Variants in SEMA6D observed in about 807,000 individuals in gnomAD.
The protein encoded by SEMA6D is semaphorin 6D.
Under a neutral mutation model 106.6 loss-of-function variants are expected in SEMA6D, and 35 were observed. The observed-to-expected ratio is 0.33, with a 90% CI of 0.25 to 0.44. The LOEUF (loss-of-function observed/expected upper bound fraction) is 0.44, where lower values mean the gene tolerates loss of function less well. SEMA6D is among the 20% of genes least tolerant of loss of function. SEMA6D has a pLI of 1.00. For missense variants in SEMA6D, 1,185 were observed against 1,345.9 expected, an observed-to-expected ratio of 0.88 and a Z score of 1.87; for synonymous variants, 499 against 487.7, an observed-to-expected ratio of 1.02 and a Z score of -0.31.
At chr15:47,732,247 G>A (rs1487152717) in intron 1 of SEMA6D, among the ~76,000 whole-genome samples, 1 of 152,196 alleles carries the variant, frequency 6.6e-6, no homozygotes, top group African/African-American at 2.4e-5. Context: ...CCTGAAATGT[G>A]GTTGCTCCAA....
intron 1 of SEMA6D, among the ~76,000 whole-genome samples, chr15:47,409,640 T>C (rs1210716613): frequency 6.6e-6 from 1 of 152,182 alleles, no homozygotes; most frequent in Non-Finnish European, 1.5e-5. Context: ...CTAATTCAGC[T>C]TTTTTATTTC....
At chr15:47,269,701 A>G (rs951229030) in intron 1 of SEMA6D, among the ~76,000 whole-genome samples, 5 of 152,116 alleles carry the variant, frequency 3.3e-5, no homozygotes, top group African/African-American at 1.2e-4. Flanking sequence ...CACTGACAAG[A>G]CATATGGAAA....
upstream of SEMA6D, among the ~76,000 whole-genome samples, chr15:47,712,611 G>A (rs2079041923): frequency 6.6e-6 from 1 of 152,184 alleles, no homozygotes; most frequent in Non-Finnish European, 1.5e-5. Context: ...ATTAGGTGGG[G>A]AGGTTTGTTT....
intron 1 of SEMA6D, among the ~76,000 whole-genome samples, chr15:47,206,038 A>G (rs1412199341): frequency 4.6e-5 from 7 of 152,224 alleles, no homozygotes; most frequent in Non-Finnish European, 2.9e-5. Context: ...GTATCTTTAA[A>G]GGCTCTTCAT....
rs140939128 is a variant in SEMA6D, at chr15:47,643,554, G to T, written c.-55+42658G>T. Among the ~76,000 whole-genome samples, 218 of 152,274 alleles carry T rather than the reference G, an allele frequency of 1.4e-3. 1 individual carries two copies. The highest frequency in any genetic ancestry group is 5.2e-3 in the African/African-American group (216 of 41,550). ...CATTTGGTCTAGCATGGGGCCTGAG[G>T]TTCTGCATTCATTACAAACTTCCAA... is the stretch of plus-strand genomic sequence containing the variant. On this transcript the variant is annotated intron_variant, in intron 4 of 19. Coordinates refer to the SEMA6D transcript ENST00000558014.
intron 1 of SEMA6D, among the ~76,000 whole-genome samples, chr15:47,719,290 T>C (rs1453814065): frequency 6.6e-6 from 1 of 152,168 alleles, no homozygotes; most frequent in Non-Finnish European, 1.5e-5. Context: ...CGCCGTCAGC[T>C]GGATGATCTC....
At chr15:47,737,990 G>A (rs993448294) in intron 1 of SEMA6D, among the ~76,000 whole-genome samples, 3 of 150,260 alleles carry the variant, frequency 2.0e-5, no homozygotes, top group Admixed American at 6.6e-5. Flanking sequence ...TGTCTCCTTC[G>A]TAACAATTTG....
In SEMA6D at chr15:47,771,700, C is replaced by T. The variant is rs769383743; in HGVS notation, c.3137C>T (p.Pro1046Leu). ...CCTAGGACGGGACTAAAGAGGACGCCGTCCTTAAAACCTGACGTGCCACCA... is the reference window on the plus strand; with the variant it reads ...CCTAGGACGGGACTAAAGAGGACGCTGTCCTTAAAACCTGACGTGCCACCA... Reference protein sequence around the residue: ...TLPRTGLKRTPSLKPDVPPKP... With the variant: ...TLPRTGLKRTLSLKPDVPPKP... The change falls in exon 19 of 19, where the codon CCG (proline) becomes CTG (leucine). Residue 1046 changes from proline to leucine, a missense_variant. Pro to Leu is a moderately conservative substitution (Grantham distance 98). Transcript: ENST00000536845. The T allele has an allele frequency of 3.4e-5, 55 of 1,613,928 alleles. No individual in the cohort carries two copies. The highest frequency in any genetic ancestry group is 5.3e-5 in the African/African-American group (4 of 74,906).
intron 3 of SEMA6D, among the ~76,000 whole-genome samples, chr15:47,541,616 A>T (rs1157778075): frequency 6.6e-6 from 1 of 152,206 alleles, no homozygotes; most frequent in Non-Finnish European, 1.5e-5. Context: ...ATTTCTTCAG[A>T]GATGTCCATG....
intron 1 of SEMA6D, among the ~76,000 whole-genome samples, chr15:47,369,817 A>ATT (rs1356623904): frequency 1.3e-5 from 2 of 152,170 alleles, no homozygotes; most frequent in Non-Finnish European, 2.9e-5. Context: ...AAGCAGTCAC[A>ATT]TTTTTTCATG....
intron 1 of SEMA6D, among the ~76,000 whole-genome samples, chr15:47,193,565 T>C (rs1218817439): frequency 2.0e-5 from 3 of 152,210 alleles, no homozygotes; most frequent in Non-Finnish European, 4.4e-5. Context: ...ATCCAAAGGC[T>C]TCTCATTACA....
intron 2 of SEMA6D, among the ~76,000 whole-genome samples, chr15:47,451,841 A>G (rs926007644): frequency 1.3e-5 from 2 of 152,064 alleles, no homozygotes; most frequent in African/African-American, 2.4e-5. Flanking sequence ...TTTGCAGGCA[A>G]TGGACATGCT....
At chr15:47,404,554 T>C (rs1378772537) in intron 1 of SEMA6D, among the ~76,000 whole-genome samples, 1 of 152,176 alleles carries the variant, frequency 6.6e-6, no homozygotes, top group Non-Finnish European at 1.5e-5. Context: ...TGTGACCTGA[T>C]TGGACCCTAA....
rs1222762129 is a variant in SEMA6D at position 47,343,842 on chromosome 15, G to C, written c.-238-68551G>C. On this transcript the variant is annotated intron_variant, in intron 1 of 19. Coordinates refer to the SEMA6D transcript ENST00000558014. ...GAAAATTTTTGCAACCTACTCATCT[G>C]ACAAAGGGCTAATATCCAGAATCTA... is the stretch of plus-strand genomic sequence containing the variant. 4.6e-5 allele frequency among the ~76,000 whole-genome samples: 7 copies of C among 152,170 alleles called. No homozygotes were observed. In the East Asian group the frequency reaches 1.4e-3, roughly 29 times the overall value.
intron 4 of SEMA6D, among the ~76,000 whole-genome samples, chr15:47,655,024 C>T (rs910211515): frequency 5.3e-5 from 8 of 152,214 alleles, no homozygotes; most frequent in Admixed American, 1.3e-4. Flanking sequence ...GTTTGTCTAA[C>T]TGTCTCATGG....
chr15:47,760,013 T>A, intron 2 of SEMA6D, 106 bp downstream of exon 2: 1 of 860,490 alleles, frequency 1.2e-6, no homozygotes. Context: ...TTTTATGTCT[T>A]AACCTTGAAT....
intron 2 of SEMA6D, among the ~76,000 whole-genome samples, chr15:47,450,843 G>A (rs2140923874): frequency 6.6e-6 from 1 of 152,050 alleles, no homozygotes; most frequent in East Asian, 2.0e-4. Context: ...GGAAAAACAG[G>A]ACCAAGGGGA....
At chr15:47,754,991 G>A (rs1472656588) in intron 1 of SEMA6D, among the ~76,000 whole-genome samples, 17 of 142,030 alleles carry the variant, frequency 1.2e-4, no homozygotes, top group East Asian at 8.1e-4. Flanking sequence ...TCGCTTTGTC[G>A]CCTAGGCTGG....
At chr15:47,596,591 C>G (rs888304563) in intron 3 of SEMA6D, among the ~76,000 whole-genome samples, 1 of 151,954 alleles carries the variant, frequency 6.6e-6, no homozygotes, top group Non-Finnish European at 1.5e-5. Flanking sequence ...GATACATCAA[C>G]CAATAGAACA....
Sources: allele counts gnomAD v4.1 joint callset (sites outside exome capture counted in the v4.1 genomes callset), GRCh38; gene constraint gnomAD v4.1.1; transcripts MANE v1.5; gene names NCBI Gene and HGNC (gene_info 2026-07-23, HGNC 2026-07-21).